Variants in RHOBTB2 observed in about 807,000 individuals in gnomAD.
RHOBTB2 encodes the protein rho-related BTB domain-containing protein 2.
In RHOBTB2, 39 loss-of-function variants were observed where a neutral mutation model predicts 66.5. The observed-to-expected ratio is 0.59, with a 90% CI of 0.45 to 0.77. The LOEUF is 0.77. RHOBTB2 is among the 30% of genes least tolerant of loss of function. The pLI is 0.00. For synonymous variants in RHOBTB2, 390 were observed against 395.0 expected (o/e 0.99, Z 0.15); for missense variants, 755 against 999.1 (o/e 0.76, Z 3.29).
At chr8:22,990,115 T>A (rs941803434) in intron 1 of RHOBTB2, among the ~76,000 whole-genome samples, 1 of 152,244 alleles carries the variant, frequency 6.6e-6, no homozygotes, top group Non-Finnish European at 1.5e-5. Context: ...TAGCATATCA[T>A]CATTTTATCA....
upstream of RHOBTB2, among the ~76,000 whole-genome samples, chr8:22,998,324 G>A (rs1810635011): frequency 6.6e-6 from 1 of 152,184 alleles, no homozygotes; most frequent in Non-Finnish European, 1.5e-5. Context: ...ACAAGATGGA[G>A]GAGTGGTGGA....
chr8:22,975,025 C>A, the RHOBTB2 span, among the ~76,000 whole-genome samples: 1 of 152,126 alleles, frequency 6.6e-6, no homozygotes, highest in Non-Finnish European at 1.5e-5. Context: ...GCCTAGACAT[C>A]TCTTTCCAGG....
At chr8:22,989,116 TA>T (rs34764854) in intron 1 of RHOBTB2, among the ~76,000 whole-genome samples, 1 of 152,208 alleles carries the variant, frequency 6.6e-6, no homozygotes, top group Non-Finnish European at 1.5e-5. Context: ...TCAATTGAGT[TA>T]AAAGTCACGT....
rs1309355329 is a variant in RHOBTB2, at chr8:23,004,418, C to T, written c.-10-7C>T. On this transcript the variant is annotated splice_region_variant and splice_polypyrimidine_tract_variant and intron_variant, in intron 1 of 9. Transcript: ENST00000251822. The surrounding 1 kb of genome is among the most constrained non-coding windows in gnomAD (Gnocchi z 6.4). ...GCCGTCCTGACCGCCTCCCTCCTCTCCCTCAGGTCCCGTTTAATGGATTCT... is the reference window on the plus strand; with the variant it reads ...GCCGTCCTGACCGCCTCCCTCCTCTTCCTCAGGTCCCGTTTAATGGATTCT... The T allele has an allele frequency of 1.9e-6, 3 of 1,613,482 alleles. No homozygotes were observed. In the South Asian group the frequency reaches 3.3e-5, roughly 18 times the overall value.
chr8:22,962,491 C>T, the RHOBTB2 span, among the ~76,000 whole-genome samples: 2 of 152,146 alleles, frequency 1.3e-5, no homozygotes, highest in African/African-American at 4.8e-5. Context: ...TGTTGCTAAA[C>T]TTTGAGTTTC....
chr8:22,978,733 G>A, the RHOBTB2 span, among the ~76,000 whole-genome samples: 1 of 151,852 alleles, frequency 6.6e-6, no homozygotes, highest in Non-Finnish European at 1.5e-5. Context: ...TTCATTGACT[G>A]TATTTACTTG....
At chr8:23,003,529 A>C (rs1445930431) in intron 1 of RHOBTB2, among the ~76,000 whole-genome samples, 2 of 152,116 alleles carry the variant, frequency 1.3e-5, no homozygotes, top group Non-Finnish European at 2.9e-5. Context: ...CCTCCCTAGG[A>C]ATGGGAAGGG....
chr8:22,953,282 A>G, the RHOBTB2 span, among the ~76,000 whole-genome samples: 78 of 152,178 alleles, frequency 5.1e-4, no homozygotes, highest in East Asian at 0.011. Context: ...CTAAGATCTT[A>G]TTGTTGCTGA....
At chr8:22,969,260 C>T in the RHOBTB2 span, among the ~76,000 whole-genome samples, 1 of 152,156 alleles carries the variant, frequency 6.6e-6, no homozygotes, top group Non-Finnish European at 1.5e-5. Flanking sequence ...ACCCCCCCAC[C>T]CCCGCATGAT....
At chr8:22,955,586 T>A in the RHOBTB2 span, among the ~76,000 whole-genome samples, 93 of 149,274 alleles carry the variant, frequency 6.2e-4, no homozygotes, top group Non-Finnish European at 2.2e-4. Flanking sequence ...TTTTTTTTTT[T>A]TGAGACAAGG....
rs916406536 is a variant in RHOBTB2 at position 23,018,583 on chromosome 8, C to T, written c.*1114C>T. On this transcript the variant is annotated 3_prime_UTR_variant, in exon 10 of 10. Transcript: ENST00000251822. ...CGGAGGCCCTGACCCTGCCAGCTGGCTCCGAGGGCAACACAGGGGCCTGGC... is the reference window on the plus strand; with the variant it reads ...CGGAGGCCCTGACCCTGCCAGCTGGTTCCGAGGGCAACACAGGGGCCTGGC... The T allele has an allele frequency of 6.6e-6, 1 of 152,318 alleles. No individual in the cohort carries two copies. The highest frequency in any genetic ancestry group is 2.4e-5 in the African/African-American group (1 of 41,438). The allele number at this position is 152,318 out of a possible 1,614,324, so 9.4% of individuals were successfully genotyped here. A position where few individuals can be genotyped will look rare whatever the true frequency, so the allele number is the denominator to read the frequency against.
rs543108793 is a variant in RHOBTB2, at chr8:23,013,697, T to C, written c.1772-993T>C. Reference sequence around the variant, plus strand: ...TTTTAGTAGAGACAGGGTTTCACCATGTTGGCCAGGCTGGTCTTGAACTCC... The same window carrying C: ...TTTTAGTAGAGACAGGGTTTCACCACGTTGGCCAGGCTGGTCTTGAACTCC... On this transcript the variant is annotated intron_variant, in intron 7 of 9. Transcript: ENST00000251822. Among the ~76,000 whole-genome samples, 75 of 152,172 alleles carry C rather than the reference T, an allele frequency of 4.9e-4. 1 individual carries two copies. The highest frequency in any genetic ancestry group is 1.7e-3 in the African/African-American group (70 of 41,510).
At chr8:22,994,490 G>T in intron 2 of RHOBTB2, 1 of 888,026 alleles carries the variant, frequency 1.1e-6, no homozygotes, top group South Asian at 1.5e-5. Context: ...AGTAATTCGC[G>T]GTGTGCTCAT....
intron 7 of RHOBTB2, among the ~76,000 whole-genome samples, chr8:23,011,048 G>A (rs144193611): frequency 4.7e-4 from 72 of 152,316 alleles, no homozygotes; most frequent in African/African-American, 1.7e-3. Context: ...TAGCCAACAT[G>A]GTCTTACCCG....
At chr8:22,986,323 G>A (rs1222500163), upstream of RHOBTB2, among the ~76,000 whole-genome samples, 2 of 132,244 alleles carry the variant, frequency 1.5e-5, no homozygotes, top group East Asian at 4.4e-4. Flanking sequence ...TCGCCCAGGT[G>A]TGCAGTGCCT....
chr8:22,981,952 C>T, the RHOBTB2 span, among the ~76,000 whole-genome samples: 1 of 152,166 alleles, frequency 6.6e-6, no homozygotes. Context: ...GCCCACCTGC[C>T]CCCCGATACC....
the RHOBTB2 span, among the ~76,000 whole-genome samples, chr8:22,974,277 C>T: frequency 2.1e-4 from 32 of 152,186 alleles, no homozygotes; most frequent in African/African-American, 3.4e-4. Context: ...ACTGGGCTCC[C>T]GTCACCCACA....
chr8:22,972,333 C>T, the RHOBTB2 span, among the ~76,000 whole-genome samples: 1 of 152,204 alleles, frequency 6.6e-6, no homozygotes, highest in East Asian at 1.9e-4. Context: ...ATGCAGTCAT[C>T]ACACGTAATT....
At position 23,015,673 on chromosome 8, in the gene RHOBTB2, C is replaced by G; in HGVS notation, c.1896C>G (p.Leu632=). Residue 632 remains leucine (L), a synonymous_variant, in exon 9 of 10, where the codon CTC becomes CTG. Transcript: ENST00000251822. ...HCAYQLADWC[L]HHICTNYNNV... Reference sequence around the variant, plus strand: ...CGTACCAGCTGGCCGACTGGTGTCTCCACCACATCTGCACCAACTACAACA... The same window carrying G: ...CGTACCAGCTGGCCGACTGGTGTCTGCACCACATCTGCACCAACTACAACA... 6.2e-7 allele frequency: 1 copy of G among 1,613,894 alleles called. No homozygotes were observed. The highest frequency in any genetic ancestry group is 8.5e-7 in the Non-Finnish European group (1 of 1,179,792).
Sources: allele counts gnomAD v4.1 joint callset (sites outside exome capture counted in the v4.1 genomes callset), GRCh38; gene constraint gnomAD v4.1.1; non-coding constraint Gnocchi (gnomAD v3.1); transcripts MANE v1.5; gene names NCBI Gene and HGNC (gene_info 2026-07-23, HGNC 2026-07-21).